BEST3: variants seen among roughly 807,000 people sequenced by gnomAD.
The protein encoded by BEST3 is bestrophin 3.
In BEST3, 50 loss-of-function variants were observed where a neutral mutation model predicts 47.1. The observed-to-expected ratio is 1.06, with a 90% CI of 0.85 to 1.34. The LOEUF (loss-of-function observed/expected upper bound fraction) is 1.34, where lower values mean the gene tolerates loss of function less well. Among genes scored for constraint, BEST3 ranks in the 40% most tolerant of loss-of-function variants. BEST3 has a pLI of 0.00. For synonymous variants in BEST3, 282 were observed against 298.8 expected (o/e 0.94, Z 0.58); for missense variants, 765 against 817.0 (o/e 0.94, Z 0.78).
At position 69,679,731 on chromosome 12, in the gene BEST3, C is replaced by T. The variant is rs139663641; in HGVS notation, c.482-838G>A. 3.3e-4 allele frequency among the ~76,000 whole-genome samples: 50 copies of T among 152,234 alleles called. 1 individual carries two copies. The highest frequency in any genetic ancestry group is 3.4e-3 in the Middle Eastern group (1 of 294). ...CAAAAATTAGCCGGGCATGGTGGCA[C>T]ACGCCTGTAATCCCAGCTGCTGGGG... is the stretch of plus-strand genomic sequence containing the variant. On this transcript the variant is annotated intron_variant, in intron 4 of 9. Coordinates refer to ENST00000330891, the MANE Select transcript of BEST3 (RefSeq NM_032735.3).
intron 7 of BEST3, 86 bp from the exon 8 acceptor site, chr12:69,673,051 T>C (rs1884679947): frequency 9.8e-7 from 1 of 1,019,110 alleles, no homozygotes; most frequent in East Asian, 2.4e-5. Context: ...TTTTCCTCTC[T>C]GCTTCCTTGT....
rs764618253 is a variant in BEST3, at chr12:69,654,968, AG to A, written c.1945del (p.Leu649TrpfsTer9). 50 of 1,614,068 alleles carry A rather than the reference AG, an allele frequency of 3.1e-5. 1 individual carries two copies. In the East Asian group the frequency reaches 3.8e-4, roughly 12 times the overall value. ...SSDMLYLMEN[L>X]DTKETDIIEL... ...TATGATATCTGTTTCCTTGGTGTCC[AG>A]GTTTTCCATTAAATACAGCATATCA... On this transcript the variant is annotated frameshift_variant, in exon 10 of 10. Coordinates refer to ENST00000330891, the MANE Select transcript of BEST3 (RefSeq NM_032735.3). LOFTEE classifies it high-confidence loss of function.
chr12:69,667,629 C>T (rs1033235571), intron 9 of BEST3, among the ~76,000 whole-genome samples: 1 of 152,128 alleles, frequency 6.6e-6, no homozygotes, highest in Non-Finnish European at 1.5e-5. Context: ...TATTAGAGTC[C>T]CTGACTCCAA....
chr12:69,693,245 CTTTT>C (rs71094730), intron 4 of BEST3, among the ~76,000 whole-genome samples: 1 of 136,664 alleles, frequency 7.3e-6, no homozygotes, highest in Non-Finnish European at 1.5e-5. Context: ...CTCTCTCTCT[CTTTT>C]TTTTTTCTTT....
At chr12:69,668,470 T>C (rs1027010053) in intron 9 of BEST3, among the ~76,000 whole-genome samples, 28 of 152,208 alleles carry the variant, frequency 1.8e-4, no homozygotes, top group African/African-American at 6.8e-4. Context: ...AGACCACCAG[T>C]GCTACAGTTC....
At chr12:69,665,771 A>G (rs1218849900) in intron 9 of BEST3, among the ~76,000 whole-genome samples, 1 of 152,234 alleles carries the variant, frequency 6.6e-6, no homozygotes, top group African/African-American at 2.4e-5. Context: ...CCATCAATTC[A>G]GACTTCTCAA....
chr12:69,685,535 C>T (rs769963818), intron 4 of BEST3, among the ~76,000 whole-genome samples: 4 of 152,172 alleles, frequency 2.6e-5, no homozygotes, highest in East Asian at 1.9e-4. Context: ...ATCCTAATAT[C>T]TGAGAATGGG....
At chr12:69,680,414 T>C (rs930269009) in intron 4 of BEST3, among the ~76,000 whole-genome samples, 13 of 150,398 alleles carry the variant, frequency 8.6e-5, no homozygotes, top group African/African-American at 2.9e-4. Flanking sequence ...GTTCAGGCCA[T>C]TCTCCTGCCT....
Position 69,697,698 on chromosome 12 carries a change from C to A in BEST3, c.101G>T (p.Arg34Met). Residue 34 changes from arginine to methionine, a missense_variant, in exon 2 of 10, where the codon AGG (arginine) becomes ATG (methionine). Arg to Met is a moderately conservative substitution (Grantham distance 91). Transcript: ENST00000330891. Reference sequence around the variant, plus strand: ...AAGAACAGCAAAAACAATAAATTCCCTGTACAGTAGTTTGTAGATGCTGCC... The same window carrying A: ...AAGAACAGCAAAAACAATAAATTCCATGTACAGTAGTTTGTAGATGCTGCC... ...WRGSIYKLLY[R>M]EFIVFAVLYT... is the part of the protein sequence containing the mutation. 1 of 1,611,108 alleles carries A rather than the reference C, an allele frequency of 6.2e-7. No individual in the cohort carries two copies. The highest frequency in any genetic ancestry group is 8.5e-7 in the Non-Finnish European group (1 of 1,178,646).
At chr12:69,690,757 G>T (rs1425323115) in intron 4 of BEST3, among the ~76,000 whole-genome samples, 2 of 152,176 alleles carry the variant, frequency 1.3e-5, no homozygotes, top group Admixed American at 6.5e-5. Context: ...CTTAGAGACG[G>T]TAATTCTTAA....
At chr12:69,689,205 G>T (rs1754013131) in intron 4 of BEST3, 1 of 985,406 alleles carries the variant, frequency 1.0e-6, no homozygotes, top group South Asian at 4.7e-5. Context: ...TCAGAGAGTG[G>T]CGGAGGCATA....
chr12:69,682,475 AT>A (rs1463215268), intron 4 of BEST3, among the ~76,000 whole-genome samples: 64 of 152,272 alleles, frequency 4.2e-4, no homozygotes, highest in Admixed American at 4.2e-3. Flanking sequence ...GAGCTTGGTG[AT>A]TCTCTTCTTG....
intron 4 of BEST3, chr12:69,684,513 T>C (rs1885441622): frequency 3.2e-6 from 2 of 618,648 alleles, no homozygotes; most frequent in South Asian, 3.7e-5. Flanking sequence ...CTTTTGCCTT[T>C]CAAGCAGAGT....
At position 69,684,599 on chromosome 12, in the gene BEST3, C is replaced by T. The variant is rs139739657; in HGVS notation, c.482-5706G>A. 147 of 675,938 alleles carry T rather than the reference C, an allele frequency of 2.2e-4. No individual in the cohort carries two copies. The East Asian group carries it at 3.9e-3, about 18-fold the overall frequency. The allele number at this position is 675,938 out of a possible 1,614,324, so 41.9% of individuals were successfully genotyped here. ...ACTTGAAGGCAGAATGGGTTTCATG[C>T]CAGTTCTTTCTGAAAGAGAGAGTTG... On this transcript the variant is annotated intron_variant, in intron 4 of 9. Coordinates refer to ENST00000330891, the MANE Select transcript of BEST3 (RefSeq NM_032735.3).
At chr12:69,693,971 T>G in intron 3 of BEST3, 64 bp from the exon 4 acceptor site, 1 of 1,234,426 alleles carries the variant, frequency 8.1e-7, no homozygotes, top group South Asian at 1.4e-5. Flanking sequence ...ACACTGATGC[T>G]TTTAGCTGAA....
In BEST3 at chr12:69,699,222, A is replaced by G; in HGVS notation, c.-33T>C. On this transcript the variant is annotated 5_prime_UTR_variant, in exon 1 of 10. Transcript: ENST00000330891. ...GCACTAACCTATTTATTTGGTTTGTAGTCTCCGACAGGAAAGAGAATCTTC... is the reference window on the plus strand; with the variant it reads ...GCACTAACCTATTTATTTGGTTTGTGGTCTCCGACAGGAAAGAGAATCTTC... 1.0e-6 allele frequency: 1 copy of G among 985,414 alleles called. No individual in the cohort carries two copies. Among genetic ancestry groups the G allele is most frequent in the African/African-American group, 1.7e-5 (1 of 57,360 alleles). 61.0% of individuals were successfully genotyped at this position (985,414 alleles called of 1,614,324 possible). A position where few individuals can be genotyped will look rare whatever the true frequency, so the allele number is the denominator to read the frequency against.
At position 69,664,646 on chromosome 12, in the gene BEST3, A is replaced by G. The variant is rs184152136; in HGVS notation, c.1100+6782T>C. ...GATGTGGCCTTCTGGAAATACATACAATGCAATAATATTATATACTATATC... is the reference window on the plus strand; with the variant it reads ...GATGTGGCCTTCTGGAAATACATACGATGCAATAATATTATATACTATATC... On this transcript the variant is annotated intron_variant, in intron 9 of 9. Transcript: ENST00000330891. Among the ~76,000 whole-genome samples, 427 of 150,166 alleles carry G rather than the reference A, an allele frequency of 2.8e-3. 2 individuals carry two copies. Among genetic ancestry groups the G allele is most frequent in the Middle Eastern group, 0.018 (5 of 280 alleles).
chr12:69,676,342 C>T (rs905637416), intron 7 of BEST3, among the ~76,000 whole-genome samples: 1 of 151,126 alleles, frequency 6.6e-6, no homozygotes, highest in African/African-American at 2.4e-5. Flanking sequence ...ACCTGGGAGG[C>T]GGAGGTTGCA....
chr12:69,671,307 A>G, intron 9 of BEST3, 121 bp downstream of exon 9: 1 of 1,022,400 alleles, frequency 9.8e-7, no homozygotes, highest in Non-Finnish European at 1.4e-6. Flanking sequence ...CTAGGACTAC[A>G]GGTGACATCA....
Sources: gnomAD v4.1 joint callset for allele counts (sites outside exome capture counted in the v4.1 genomes callset) on GRCh38, gnomAD v4.1.1 for gene constraint, MANE v1.5 for transcripts, NCBI Gene and HGNC (gene_info 2026-07-23, HGNC 2026-07-21) for gene names.